RANBP17: variants seen among roughly 807,000 people sequenced by gnomAD.
RANBP17 encodes RAN binding protein 17.
In RANBP17, 158 loss-of-function variants were observed where a neutral mutation model predicts 141.2. That is an observed-to-expected ratio of 1.12 (90% CI 0.98 to 1.28). RANBP17 has a LOEUF of 1.28. Ranked by LOEUF, RANBP17 falls within the 50% of genes most tolerant of loss-of-function variation. The pLI, the probability that RANBP17 is intolerant of heterozygous loss-of-function variation, is 0.00. For synonymous variants in RANBP17, 430 were observed against 450.0 expected (o/e 0.96, Z 0.56); for missense variants, 1,438 against 1,290.7 (o/e 1.11, Z -1.75).
intron 19 of RANBP17, among the ~76,000 whole-genome samples, chr5:171,204,870 C>T (rs1196567126): frequency 1.3e-5 from 2 of 152,054 alleles, no homozygotes; most frequent in Non-Finnish European, 2.9e-5. Context: ...ATTATTAGCC[C>T]CTTTTATAGA....
chr5:171,196,809 CATAG>C (rs1762005703), intron 18 of RANBP17, among the ~76,000 whole-genome samples: 1 of 152,098 alleles, frequency 6.6e-6, no homozygotes, highest in Non-Finnish European at 1.5e-5. Flanking sequence ...AGGATTCAAG[CATAG>C]ATAAACTTTT....
intron 14 of RANBP17, among the ~76,000 whole-genome samples, chr5:171,153,166 C>A (rs1214305561): frequency 6.6e-6 from 1 of 152,118 alleles, no homozygotes; most frequent in Non-Finnish European, 1.5e-5. Flanking sequence ...GTGAGATGGT[C>A]AGACTTTATG....
intron 21 of RANBP17, among the ~76,000 whole-genome samples, chr5:171,220,479 C>T (rs1763489825): frequency 7.6e-6 from 1 of 131,244 alleles, no homozygotes; most frequent in East Asian, 2.3e-4. Flanking sequence ...GACAGAGTCT[C>T]ACCTTGTTGC....
intron 12 of RANBP17, among the ~76,000 whole-genome samples, chr5:170,940,005 A>G (rs1427351255): frequency 1.3e-5 from 2 of 152,192 alleles, no homozygotes; most frequent in African/African-American, 2.4e-5. Flanking sequence ...AACCAGAGAC[A>G]ATAGGACAAT....
intron 25 of RANBP17, among the ~76,000 whole-genome samples, chr5:171,289,536 G>A (rs1337364848): frequency 1.3e-5 from 2 of 152,098 alleles, no homozygotes; most frequent in Non-Finnish European, 2.9e-5. Flanking sequence ...CCAAGAATTG[G>A]AGACCAGCCT....
At chr5:171,273,701 C>G (rs891112822) in intron 25 of RANBP17, among the ~76,000 whole-genome samples, 3 of 152,172 alleles carry the variant, frequency 2.0e-5, no homozygotes, top group Non-Finnish European at 4.4e-5. Context: ...CTGTAGTATA[C>G]AATCTTAAGG....
chr5:171,052,836 C>T lies in RANBP17; in HGVS notation c.1710+84459C>T, dbSNP rs559361034. 3.3e-5 allele frequency among the ~76,000 whole-genome samples: 5 copies of T among 152,232 alleles called. No individual in the cohort carries two copies. The South Asian group carries it at 8.3e-4, about 25-fold the overall frequency. ...TGCCATCTTAATAATATTAAGTCTT[C>T]TAACCCATGAACATGAAATGTCTTT... is the stretch of plus-strand genomic sequence containing the variant. On this transcript the variant is annotated intron_variant, in intron 14 of 27. Transcript: ENST00000523189.
At chr5:170,939,352 A>AATTTT (rs1219762684) in intron 12 of RANBP17, among the ~76,000 whole-genome samples, 6 of 149,620 alleles carry the variant, frequency 4.0e-5, no homozygotes, top group African/African-American at 9.9e-5. Flanking sequence ...TAAACTCAAA[A>AATTTT]ATTTTATTTT....
In RANBP17 at chr5:171,241,110, A is replaced by G. The variant is rs759673329; in HGVS notation, c.2605A>G (p.Met869Val). ...FDNVLQAFVK[M>V]LLSVSHSDLL... ...CAATGTACTCCAGGCTTTTGTCAAA[A>G]TGCTGCTGTCAGTGTCCCACAGTGA... is the stretch of plus-strand genomic sequence containing the variant. The change falls in exon 23 of 28, where the codon ATG becomes GTG. Residue 869 changes from methionine (M) to valine (V), a missense_variant. Met to Val is a conservative substitution (Grantham distance 21, BLOSUM62 1). Coordinates refer to ENST00000523189, the MANE Select transcript of RANBP17 (RefSeq NM_022897.5). The G allele has an allele frequency of 1.8e-5, 29 of 1,613,650 alleles. No homozygotes were observed. The highest frequency in any genetic ancestry group is 3.3e-5 in the South Asian group (3 of 91,050).
intron 14 of RANBP17, among the ~76,000 whole-genome samples, chr5:171,159,101 A>T (rs1352555434): frequency 6.6e-6 from 1 of 152,228 alleles, no homozygotes; most frequent in Non-Finnish European, 1.5e-5. Flanking sequence ...TTTAATATAC[A>T]TGAATATCAT....
At chr5:171,054,918 G>A (rs1031903993) in intron 14 of RANBP17, among the ~76,000 whole-genome samples, 2 of 152,104 alleles carry the variant, frequency 1.3e-5, no homozygotes, top group Admixed American at 1.3e-4. Flanking sequence ...TATTCAGGGT[G>A]GAGAGGCGCA....
intron 24 of RANBP17, chr5:171,252,789 C>T: frequency 8.0e-7 from 1 of 1,244,050 alleles, no homozygotes; most frequent in Non-Finnish European, 1.2e-6. Flanking sequence ...AGGGTGTGTG[C>T]AGCCTCATTG....
chr5:171,242,347 C>A (rs570593917), intron 23 of RANBP17, among the ~76,000 whole-genome samples: 14 of 152,026 alleles, frequency 9.2e-5, no homozygotes, highest in African/African-American at 3.4e-4. Context: ...GTTTAAAAAA[C>A]CAACAAAAAA....
chr5:170,895,949 G>A (rs111334926), intron 4 of RANBP17, 101 bp from the exon 5 acceptor site: 59 of 529,692 alleles, frequency 1.1e-4, no homozygotes, highest in African/African-American at 1.0e-3. Flanking sequence ...GAGTAAATGT[G>A]GTGTTTCAGT....
intron 5 of RANBP17, among the ~76,000 whole-genome samples, chr5:170,903,378 G>A (rs1356163696): frequency 2.6e-5 from 4 of 152,210 alleles, no homozygotes; most frequent in Non-Finnish European, 2.9e-5. Context: ...CTGCTGTGCT[G>A]GCAGCAAGAG....
intron 14 of RANBP17, among the ~76,000 whole-genome samples, chr5:171,064,176 G>A (rs936979188): frequency 2.6e-5 from 4 of 152,140 alleles, no homozygotes; most frequent in Non-Finnish European, 5.9e-5. Flanking sequence ...CCACTGTCCT[G>A]CGCCCACTGT....
In RANBP17 at chr5:170,916,461, T is replaced by G. The variant is rs773973425; in HGVS notation, c.835-4T>G. ...TGAAATGAAATTTTTTTGGTATTTTTTAGGCACTTTCATGTTTAGTTCAGT... is the reference window on the plus strand; with the variant it reads ...TGAAATGAAATTTTTTTGGTATTTTGTAGGCACTTTCATGTTTAGTTCAGT... On this transcript the variant is annotated splice_region_variant and splice_polypyrimidine_tract_variant and intron_variant, in intron 8 of 27. Coordinates refer to ENST00000523189, the MANE Select transcript of RANBP17 (RefSeq NM_022897.5). 1 of 1,531,978 alleles carries G rather than the reference T, an allele frequency of 6.5e-7. No homozygotes were observed. The highest frequency in any genetic ancestry group is 1.3e-5 in the South Asian group (1 of 77,386). 94.9% of individuals were successfully genotyped at this position (1,531,978 alleles called of 1,614,324 possible).
In RANBP17 at chr5:171,081,163, T is replaced by C. The variant is rs75173522; in HGVS notation, c.1711-88967T>C. On this transcript the variant is annotated intron_variant, in intron 14 of 27. Transcript: ENST00000523189. ...TTTTACTACTTTCCAGCTGTGTCTC[T>C]GAGGACAGGCACTCAATAGGTGTTC... Among the ~76,000 whole-genome samples, 1,107 of 152,322 alleles carry C rather than the reference T, an allele frequency of 7.3e-3. 20 individuals are homozygous for C. The highest frequency in any genetic ancestry group is 0.025 in the African/African-American group (1,047 of 41,580).
At chr5:171,146,940 G>A (rs1001008089) in intron 14 of RANBP17, among the ~76,000 whole-genome samples, 2 of 152,166 alleles carry the variant, frequency 1.3e-5, no homozygotes, top group African/African-American at 4.8e-5. Context: ...TACTATCACA[G>A]TTTCCTCATT....
Sources: allele counts gnomAD v4.1 joint callset (sites outside exome capture counted in the v4.1 genomes callset), GRCh38; gene constraint gnomAD v4.1.1; transcripts MANE v1.5; gene names NCBI Gene and HGNC (gene_info 2026-07-23, HGNC 2026-07-21).